Variants in GRIA3 observed in about 807,000 individuals in gnomAD.
The protein encoded by GRIA3 is glutamate receptor 3.
A neutral mutation model predicts 63.0 loss-of-function variants in GRIA3; 3 were observed. That is an observed-to-expected ratio of 0.05 (90% CI 0.02 to 0.12). GRIA3 has a LOEUF of 0.12. GRIA3 is among the 10% of genes least tolerant of loss of function. The probability of loss-of-function intolerance (pLI) is 1.00; values close to 1 mark genes in which losing one functional copy is unlikely to be tolerated. For synonymous variants in GRIA3, 274 were observed against 257.9 expected (o/e 1.06, Z -0.60); for missense variants, 347 against 700.9 (o/e 0.50, Z 5.70).
chrX:123,484,643 G>T (rs979155085), intron 15 of GRIA3, among the ~76,000 whole-genome samples: 1 of 111,536 alleles, frequency 9.0e-6, no homozygotes, highest in African/African-American at 3.3e-5. Context: ...ACCATGCCCA[G>T]CTAATTTTTT....
intron 3 of GRIA3, among the ~76,000 whole-genome samples, chrX:123,305,620 T>C (rs768874648): frequency 2.6e-4 from 29 of 111,931 alleles, no homozygotes; most frequent in African/African-American, 3.9e-4. Flanking sequence ...AAATTCTACA[T>C]AGGCATTTTG....
intron 10 of GRIA3, among the ~76,000 whole-genome samples, chrX:123,410,046 T>C (rs371332113): frequency 5.2e-4 from 58 of 111,949 alleles, no homozygotes; most frequent in African/African-American, 1.8e-3. Context: ...AACTTTTCCA[T>C]CTAAGATACT....
chrX:123,187,076 T>C (rs1368963285), intron 2 of GRIA3, among the ~76,000 whole-genome samples: 1 of 112,230 alleles, frequency 8.9e-6, no homozygotes, highest in Non-Finnish European at 1.9e-5. Flanking sequence ...TTATGGCTGA[T>C]GTAGTTTGGA....
chrX:123,325,545 T>C (rs769757514), intron 3 of GRIA3, among the ~76,000 whole-genome samples: 5 of 111,714 alleles, frequency 4.5e-5, no homozygotes, highest in Non-Finnish European at 9.4e-5. Flanking sequence ...TTATTTTACT[T>C]GGGAGACATA....
rs149119520 is a variant in GRIA3, at chrX:123,231,637, G to A, written c.269-21666G>A. On this transcript the variant is annotated intron_variant, in intron 2 of 15. Coordinates refer to ENST00000620443, the MANE Select transcript of GRIA3 (RefSeq NM_007325.5). Reference sequence around the variant, plus strand: ...TTTTGAGGGAGTAAGGGATGGCATGGCTTAGGCTAAGAAATGAAAGATAAG... The same window carrying A: ...TTTTGAGGGAGTAAGGGATGGCATGACTTAGGCTAAGAAATGAAAGATAAG... Among the ~76,000 whole-genome samples, 335 of 111,433 alleles carry A rather than the reference G, an allele frequency of 3.0e-3. 1 individual carries two copies. Among genetic ancestry groups the A allele is most frequent in the African/African-American group, 0.01 (317 of 30,700 alleles).
chrX:123,227,571 G>A (rs1226365058), intron 2 of GRIA3, among the ~76,000 whole-genome samples: 2 of 111,388 alleles, frequency 1.8e-5, no homozygotes, highest in Non-Finnish European at 3.8e-5. Flanking sequence ...TGGGGGAAGG[G>A]GAGGGGAACA....
At chrX:123,347,842 AT>A (rs762346427) in intron 4 of GRIA3, among the ~76,000 whole-genome samples, 10 of 112,098 alleles carry the variant, frequency 8.9e-5, no homozygotes, top group Non-Finnish European at 1.9e-4. Context: ...TTTATAAAGA[AT>A]TTTAGACTCT....
At chrX:123,409,039 C>T (rs2045491658) in intron 10 of GRIA3, among the ~76,000 whole-genome samples, 1 of 111,773 alleles carries the variant, frequency 8.9e-6, no homozygotes, top group African/African-American at 3.3e-5. Flanking sequence ...CACAGGCTTT[C>T]ATTTCTGGCA....
intron 3 of GRIA3, among the ~76,000 whole-genome samples, chrX:123,287,250 T>C (rs1457372631): frequency 9.0e-6 from 1 of 111,729 alleles, no homozygotes; most frequent in African/African-American, 3.3e-5. Context: ...AACTAGGTAT[T>C]GAAGGAGCAT....
At chrX:123,437,960 G>A (rs1440377011) in intron 12 of GRIA3, among the ~76,000 whole-genome samples, 2 of 111,821 alleles carry the variant, frequency 1.8e-5, no homozygotes, top group Non-Finnish European at 3.8e-5. Flanking sequence ...TAATGGTTTT[G>A]TTATATCACA....
intron 2 of GRIA3, among the ~76,000 whole-genome samples, chrX:123,200,988 G>A (rs192210517): frequency 1.8e-3 from 203 of 111,824 alleles, no homozygotes; most frequent in Non-Finnish European, 3.2e-3. Context: ...CTTGGGTGAG[G>A]AGCTTAACCC....
At position 123,332,550 on chromosome X, in the gene GRIA3, A is replaced by G. The variant is rs923971110; in HGVS notation, c.696+6337A>G. Among the ~76,000 whole-genome samples, 4 of 111,357 alleles carry G rather than the reference A, an allele frequency of 3.6e-5. No homozygotes were observed. In the Admixed American group the frequency reaches 3.8e-4, roughly 11 times the overall value. On this transcript the variant is annotated intron_variant, in intron 4 of 15. Transcript: ENST00000620443. ...TGAACCAGGGAAGTTGACACCAGGT[A>G]CTGTTAATCACTGCTCTGACTGGCC...
intron 12 of GRIA3, among the ~76,000 whole-genome samples, chrX:123,461,324 A>G (rs2045791438): frequency 1.8e-5 from 2 of 112,287 alleles, no homozygotes; most frequent in Non-Finnish European, 3.8e-5. Context: ...AACTCACCCT[A>G]CTGCAATTAA....
At chrX:123,466,691 C>T (rs886129420) in intron 13 of GRIA3, among the ~76,000 whole-genome samples, 4 of 112,341 alleles carry the variant, frequency 3.6e-5, no homozygotes, top group Non-Finnish European at 5.6e-5. Flanking sequence ...AGGAGAGGAC[C>T]TGAAAATAGA....
intron 11 of GRIA3, among the ~76,000 whole-genome samples, chrX:123,421,134 T>A: frequency 8.9e-6 from 1 of 111,915 alleles, no homozygotes; most frequent in Middle Eastern, 4.6e-3. Flanking sequence ...GTAACAAATA[T>A]TATTCTTACT....
At chrX:123,358,849 T>C (rs1345819958) in intron 5 of GRIA3, 2 of 111,885 alleles carry the variant, frequency 1.8e-5, no homozygotes, top group Non-Finnish European at 3.8e-5. Flanking sequence ...AGGCATGTTA[T>C]GTAAAGTGAT....
chrX:123,231,840 G>C (rs2044277925), intron 2 of GRIA3, among the ~76,000 whole-genome samples: 1 of 111,472 alleles, frequency 9.0e-6, no homozygotes, highest in African/African-American at 3.3e-5. Context: ...GCGATCTACA[G>C]TATATAGAGA....
intron 12 of GRIA3, among the ~76,000 whole-genome samples, chrX:123,445,416 C>T (rs2045698051): frequency 8.9e-6 from 1 of 111,867 alleles, no homozygotes. Context: ...ACCTATTTTG[C>T]CCCTTGACAC....
At chrX:123,362,392 C>G (rs1172256358) in intron 5 of GRIA3, among the ~76,000 whole-genome samples, 1 of 111,067 alleles carries the variant, frequency 9.0e-6, no homozygotes, top group African/African-American at 3.3e-5. Flanking sequence ...AAACCATAAT[C>G]TGAAAGAGGA....
Sources: gnomAD v4.1 joint callset for allele counts (sites outside exome capture counted in the v4.1 genomes callset) on GRCh38, gnomAD v4.1.1 for gene constraint, MANE v1.5 for transcripts, NCBI Gene and HGNC (gene_info 2026-07-23, HGNC 2026-07-21) for gene names.